Variants in FHIT observed in about 807,000 individuals in gnomAD.
FHIT encodes the protein fragile histidine triad diadenosine triphosphatase.
FHIT carries 19 observed loss-of-function variants against 17.9 expected under a neutral mutation model. That is an observed-to-expected ratio of 1.06 (90% confidence interval 0.74 to 1.56). The LOEUF (loss-of-function observed/expected upper bound fraction) is 1.56, where lower values mean the gene tolerates loss of function less well. Ranked by LOEUF, FHIT falls within the 40% of genes most tolerant of loss-of-function variation. The pLI, the probability that FHIT is intolerant of heterozygous loss-of-function variation, is 0.00. For missense variants in FHIT, 248 were observed against 189.2 expected (o/e 1.31, Z -1.82); for synonymous variants, 81 against 69.7 (o/e 1.16, Z -0.81).
chr3:60,902,304 T>C (rs1054143506), intron 3 of FHIT, among the ~76,000 whole-genome samples: 3 of 152,346 alleles, frequency 2.0e-5, no homozygotes, highest in East Asian at 3.9e-4. Context: ...TTGAGATTCA[T>C]CCATTTGATG....
chr3:60,060,844 C>A (rs898909511), intron 5 of FHIT, among the ~76,000 whole-genome samples: 2 of 152,154 alleles, frequency 1.3e-5, no homozygotes, highest in Non-Finnish European at 2.9e-5. Context: ...TTAATTACTT[C>A]TTGGAAAAAT....
intron 4 of FHIT, among the ~76,000 whole-genome samples, chr3:60,631,525 C>G (rs1167141376): frequency 6.6e-6 from 1 of 152,066 alleles, no homozygotes; most frequent in East Asian, 1.9e-4. Flanking sequence ...TCAACCTAAT[C>G]CAGGGGCCCA....
chr3:61,190,207 A>AG, intron 2 of FHIT, among the ~76,000 whole-genome samples: 1 of 152,110 alleles, frequency 6.6e-6, no homozygotes, highest in Non-Finnish European at 1.5e-5. Context: ...CTAATATGCC[A>AG]AATCTACAAT....
At chr3:60,927,054 AG>A (rs1182736489) in intron 3 of FHIT, among the ~76,000 whole-genome samples, 1 of 151,938 alleles carries the variant, frequency 6.6e-6, no homozygotes, top group East Asian at 1.9e-4. Context: ...TCTGTTGCCG[AG>A]GCTGGACTGT....
intron 5 of FHIT, among the ~76,000 whole-genome samples, chr3:60,328,927 C>T (rs1709830479): frequency 6.6e-6 from 1 of 152,148 alleles, no homozygotes; most frequent in Non-Finnish European, 1.5e-5. Flanking sequence ...TGATGGATAA[C>T]CATAGCATGA....
At chr3:60,296,168 T>C (rs1272898588) in intron 5 of FHIT, among the ~76,000 whole-genome samples, 1 of 152,042 alleles carries the variant, frequency 6.6e-6, no homozygotes, top group African/African-American at 2.4e-5. Flanking sequence ...AAATTACCAA[T>C]CTTCGGTATG....
intron 1 of FHIT, among the ~76,000 whole-genome samples, chr3:61,250,933 C>G (rs980608638): frequency 5.3e-5 from 8 of 152,198 alleles, no homozygotes; most frequent in African/African-American, 1.4e-4. Flanking sequence ...CCTGTTGGGA[C>G]GGATTTTCGC....
chr3:60,374,787 C>G (rs1002132430), intron 5 of FHIT, among the ~76,000 whole-genome samples: 1 of 151,936 alleles, frequency 6.6e-6, no homozygotes, highest in Non-Finnish European at 1.5e-5. Context: ...AACGTTGAGA[C>G]GTGATAATAG....
intron 8 of FHIT, among the ~76,000 whole-genome samples, chr3:59,839,382 G>A (rs776866979): frequency 5.9e-5 from 9 of 151,732 alleles, no homozygotes; most frequent in Non-Finnish European, 1.3e-4. Context: ...TACCATACAG[G>A]CTTTCCATAA....
chr3:60,540,971 C>T (rs527336080), intron 4 of FHIT, among the ~76,000 whole-genome samples: 33 of 152,278 alleles, frequency 2.2e-4, no homozygotes, highest in African/African-American at 7.9e-4. Flanking sequence ...TTTGAGGCCC[C>T]ACCCCAGACC....
intron 5 of FHIT, among the ~76,000 whole-genome samples, chr3:60,209,521 C>T (rs1703353319): frequency 6.6e-6 from 1 of 152,192 alleles, no homozygotes; most frequent in Admixed American, 6.5e-5. Flanking sequence ...ACAATCCACC[C>T]ATCTTCCAGA....
intron 4 of FHIT, among the ~76,000 whole-genome samples, chr3:60,561,015 A>ACCCAGG (rs2036923940): frequency 6.6e-6 from 1 of 152,036 alleles, no homozygotes; most frequent in Admixed American, 6.5e-5. Flanking sequence ...TGCCAGGCAA[A>ACCCAGG]TAATTGATAC....
chr3:60,156,078 G>C (rs1290109858), intron 5 of FHIT, among the ~76,000 whole-genome samples: 1 of 152,196 alleles, frequency 6.6e-6, no homozygotes, highest in Non-Finnish European at 1.5e-5. Flanking sequence ...TTAGGGCCGG[G>C]TGTGGGGGCT....
intron 4 of FHIT, among the ~76,000 whole-genome samples, chr3:60,547,848 G>C (rs768907373): frequency 6.6e-6 from 1 of 152,102 alleles, no homozygotes; most frequent in Non-Finnish European, 1.5e-5. Flanking sequence ...GTAGAGTAAG[G>C]TTCAGTGACA....
intron 5 of FHIT, among the ~76,000 whole-genome samples, chr3:60,142,405 G>T (rs1230119723): frequency 1.3e-5 from 2 of 152,108 alleles, no homozygotes; most frequent in Non-Finnish European, 2.9e-5. Context: ...CGGGTCAAGG[G>T]CTAATAGTGG....
rs757082212 is a variant in FHIT, at chr3:59,969,767, T to G, written c.279+41604A>C. 1.2e-4 allele frequency among the ~76,000 whole-genome samples: 18 copies of G among 152,172 alleles called. No homozygotes were observed. In the South Asian group the frequency reaches 1.5e-3, roughly 12 times the overall value. The stretch of plus-strand genomic sequence containing the variant: ...CAGCTTCATCATCTACACTAATATT[T>G]CCAGCAGCCCCTCAAAAGCGAGATA... On this transcript the variant is annotated intron_variant, in intron 7 of 9. Transcript: ENST00000492590.
chr3:60,777,442 T>G (rs1308577611), intron 4 of FHIT, among the ~76,000 whole-genome samples: 1 of 152,192 alleles, frequency 6.6e-6, no homozygotes, highest in African/African-American at 2.4e-5. Flanking sequence ...AAGGAAATGT[T>G]CAGGTTAAGA....
intron 7 of FHIT, among the ~76,000 whole-genome samples, chr3:59,926,118 C>A (rs547853559): frequency 2.5e-4 from 38 of 152,294 alleles, no homozygotes; most frequent in Admixed American, 4.6e-4. Flanking sequence ...ACACATTCCA[C>A]ACCAAAAATG....
At chr3:61,061,419 C>G (rs1287388235) in intron 2 of FHIT, among the ~76,000 whole-genome samples, 1 of 151,880 alleles carries the variant, frequency 6.6e-6, no homozygotes, top group Non-Finnish European at 1.5e-5. Context: ...TATTTAATAT[C>G]AAAAGAATAT....
Sources: gnomAD v4.1 joint callset for allele counts (sites outside exome capture counted in the v4.1 genomes callset) on GRCh38, gnomAD v4.1.1 for gene constraint, MANE v1.5 for transcripts, NCBI Gene and HGNC (gene_info 2026-07-23, HGNC 2026-07-21) for gene names.